Variants in DBF4 observed in about 807,000 individuals in gnomAD.
DBF4 encodes the protein protein DBF4 homolog A.
A neutral mutation model predicts 76.6 loss-of-function variants in DBF4; 25 were observed. That is an observed-to-expected ratio of 0.33 (90% confidence interval 0.24 to 0.46). The LOEUF is 0.46. Among genes scored for constraint, DBF4 ranks in the 20% least tolerant of loss-of-function variants. The probability of loss-of-function intolerance (pLI) is 1.00; values close to 1 mark genes in which losing one functional copy is unlikely to be tolerated. For synonymous variants in DBF4, 213 were observed against 258.0 expected (o/e 0.83, Z 1.67); for missense variants, 638 against 760.8 (o/e 0.84, Z 1.90).
chr7:87,907,169 T>C lies in DBF4; in HGVS notation c.1050-19T>C, dbSNP rs751092659. The C allele has an allele frequency of 7.2e-6, 11 of 1,519,114 alleles. No individual in the cohort carries two copies. The African/African-American group carries it at 1.4e-4, about 19-fold the overall frequency. 94.1% of individuals were successfully genotyped at this position (1,519,114 alleles called of 1,614,324 possible). On this transcript the variant is annotated intron_variant, in intron 11 of 11. Transcript: ENST00000265728. ...GATAGCAATTATTTTAATATTTTTC[T>C]TCTATTTTTCCTACAAAGAATAAAA... is the stretch of plus-strand genomic sequence containing the variant.
chr7:87,880,791 A>G (rs1839192618), intron 2 of DBF4, among the ~76,000 whole-genome samples: 1 of 152,214 alleles, frequency 6.6e-6, no homozygotes, highest in Non-Finnish European at 1.5e-5. Context: ...TACCTTTAAT[A>G]GTGCAAGAAA....
intron 11 of DBF4, among the ~76,000 whole-genome samples, chr7:87,905,229 AATTAGCT>A (rs1188780943): frequency 6.6e-6 from 1 of 152,216 alleles, no homozygotes; most frequent in Admixed American, 6.5e-5. Flanking sequence ...TGTTGCAACT[AATTAGCT>A]TAGCTTTTTT....
At chr7:87,897,180 A>G in intron 7 of DBF4, 114 bp from the exon 8 acceptor site, 3 of 946,994 alleles carry the variant, frequency 3.2e-6, no homozygotes, top group Non-Finnish European at 4.8e-6. Flanking sequence ...TAAAACTTTA[A>G]AGTGGATACA....
intron 3 of DBF4, among the ~76,000 whole-genome samples, 157 bp from the exon 4 acceptor site, chr7:87,886,687 A>G (rs1194230357): frequency 3.3e-5 from 5 of 152,046 alleles, no homozygotes; most frequent in South Asian, 4.1e-4. Context: ...TTTATTTTTC[A>G]TGTTGAATAG....
intron 7 of DBF4, 72 bp from the exon 8 acceptor site, chr7:87,897,222 A>G (rs1011746765): frequency 2.0e-5 from 28 of 1,428,686 alleles, no homozygotes; most frequent in Non-Finnish European, 2.6e-5. Context: ...TTGTTTTGCC[A>G]CAGTAGTTTT....
chr7:87,892,878 G>A (rs1839528907), intron 6 of DBF4, among the ~76,000 whole-genome samples: 2 of 151,962 alleles, frequency 1.3e-5, no homozygotes, highest in Admixed American at 1.3e-4. Context: ...TTTTAATTCT[G>A]TTATGGCCAT....
chr7:87,885,663 C>T (rs1178686401), intron 3 of DBF4, among the ~76,000 whole-genome samples: 1 of 152,172 alleles, frequency 6.6e-6, no homozygotes, highest in Non-Finnish European at 1.5e-5. Context: ...TTTATTGGAA[C>T]ACAGCCATAC....
At chr7:87,894,364 G>A (rs577438057) in intron 6 of DBF4, among the ~76,000 whole-genome samples, 12 of 152,126 alleles carry the variant, frequency 7.9e-5, no homozygotes, top group Non-Finnish European at 1.5e-4. Flanking sequence ...GGAGGCTGAG[G>A]TGGCATGATG....
At chr7:87,899,395 A>G (rs763970597) in intron 8 of DBF4, among the ~76,000 whole-genome samples, 28 of 152,200 alleles carry the variant, frequency 1.8e-4, no homozygotes, top group Admixed American at 3.3e-4. Flanking sequence ...TCCAGAATAT[A>G]TTAAGAATTA....
chr7:87,879,084 G>T (rs535537799), intron 2 of DBF4, among the ~76,000 whole-genome samples: 1 of 152,124 alleles, frequency 6.6e-6, no homozygotes, highest in Non-Finnish European at 1.5e-5. Context: ...GAGTAGCTAC[G>T]ATTACAGGCA....
chr7:87,903,146 A>G (rs1168082345), intron 10 of DBF4, among the ~76,000 whole-genome samples: 3 of 152,108 alleles, frequency 2.0e-5, no homozygotes, highest in Non-Finnish European at 4.4e-5. Flanking sequence ...GCAGTGGTGC[A>G]ATCTCAGCTC....
intron 2 of DBF4, among the ~76,000 whole-genome samples, chr7:87,880,350 G>T (rs1210410189): frequency 6.6e-6 from 1 of 152,198 alleles, no homozygotes; most frequent in Non-Finnish European, 1.5e-5. Flanking sequence ...GTAGACCAGT[G>T]AAGTTAGGAG....
chr7:87,904,434 C>G lies in DBF4; in HGVS notation c.1049+18C>G, dbSNP rs1465877706. On this transcript the variant is annotated intron_variant, in intron 11 of 11. Coordinates refer to ENST00000265728, the MANE Select transcript of DBF4 (RefSeq NM_006716.4). ...AAGAAAAGGTAATTAGTTTTATCAA[C>G]CTAAGTTTTAAATTCTACTAGGCGG... The G allele has an allele frequency of 8.7e-6, 14 of 1,606,600 alleles. No homozygotes were observed. The highest frequency in any genetic ancestry group is 1.2e-5 in the Non-Finnish European group (14 of 1,175,772).
intron 3 of DBF4, 48 bp from the exon 4 acceptor site, chr7:87,886,796 G>C: frequency 8.8e-7 from 1 of 1,141,916 alleles, no homozygotes; most frequent in Non-Finnish European, 1.3e-6. Flanking sequence ...TTTTTAACCT[G>C]TTCTCCAGTT....
At chr7:87,881,521 C>G (rs1839213491) in intron 2 of DBF4, among the ~76,000 whole-genome samples, 1 of 152,190 alleles carries the variant, frequency 6.6e-6, no homozygotes, top group Non-Finnish European at 1.5e-5. Flanking sequence ...CATAGAATGT[C>G]AAGAGAAAGG....
intron 7 of DBF4, 67 bp from the exon 8 acceptor site, chr7:87,897,227 A>C: frequency 7.1e-7 from 1 of 1,405,176 alleles, no homozygotes; most frequent in Non-Finnish European, 9.5e-7. Flanking sequence ...TTGCCACAGT[A>C]GTTTTATTAA....
chr7:87,905,319 A>G (rs1036984817), intron 11 of DBF4, among the ~76,000 whole-genome samples: 4 of 152,228 alleles, frequency 2.6e-5, no homozygotes, highest in African/African-American at 9.6e-5. Context: ...TTTTGCCCAC[A>G]GGCTATATAG....
At position 87,907,608 on chromosome 7, in the gene DBF4, A is replaced by C; in HGVS notation, c.1470A>C (p.Val490=). 1 of 1,614,118 alleles carries C rather than the reference A, an allele frequency of 6.2e-7. No individual in the cohort carries two copies. The highest frequency in any genetic ancestry group is 1.3e-5 in the African/African-American group (1 of 75,068). ...DHYKCNIQAS[V]HVSDFSTDNS... ...ATAAATGTAACATACAGGCATCTGTACATGTTTCTGATTTCAGTACAGATA... is the reference window on the plus strand; with the variant it reads ...ATAAATGTAACATACAGGCATCTGTCCATGTTTCTGATTTCAGTACAGATA... Residue 490 remains valine (V), a synonymous_variant, in exon 12 of 12, where the codon GTA becomes GTC. Coordinates refer to ENST00000265728, the MANE Select transcript of DBF4 (RefSeq NM_006716.4).
rs754237686 is a variant in DBF4 at position 87,888,024 on chromosome 7, T to A, written c.562T>A (p.Leu188Ile). The change falls in exon 6 of 12, where the codon TTA becomes ATA. Residue 188 changes from leucine (L) to isoleucine (I), a missense_variant. Leu to Ile is a conservative substitution (Grantham distance 5, BLOSUM62 2). Transcript: ENST00000265728. ...TGAACAAAAGAAAAAAGAGTTGTAT[T>A]TACTCAAGAAATCAAGTACTTCAGT... ...YIEQKKKELYLLKKSSTSVRD... is the reference protein window; with the variant it reads ...YIEQKKKELYILKKSSTSVRD... 6.4e-7 allele frequency: 1 copy of A among 1,561,528 alleles called. No homozygotes were observed. Among genetic ancestry groups the A allele is most frequent in the Non-Finnish European group, 8.6e-7 (1 of 1,156,336 alleles).
Sources: gnomAD v4.1 joint callset for allele counts (sites outside exome capture counted in the v4.1 genomes callset) on GRCh38, gnomAD v4.1.1 for gene constraint, MANE v1.5 for transcripts, NCBI Gene and HGNC (gene_info 2026-07-23, HGNC 2026-07-21) for gene names.